The following PIP4K2A variants were observed in gnomAD, a reference collection of about 807,000 sequenced individuals.
PIP4K2A encodes the protein phosphatidylinositol-5-phosphate 4-kinase type 2 alpha, also known as phosphatidylinositol 5-phosphate 4-kinase type-2 alpha.
Under a neutral mutation model 42.9 loss-of-function variants are expected in PIP4K2A, and 14 were observed. That is an observed-to-expected ratio of 0.33 (90% CI 0.22 to 0.51). The LOEUF (loss-of-function observed/expected upper bound fraction) is 0.51. PIP4K2A is among the 20% of genes least tolerant of loss of function. PIP4K2A has a pLI of 0.97. For missense variants in PIP4K2A, 434 were observed against 519.8 expected (o/e 0.83, Z 1.61); for synonymous variants, 192 against 192.2 (o/e 1.00, Z 0.01).
At chr10:22,617,036 T>C (rs1468636115) in intron 1 of PIP4K2A, among the ~76,000 whole-genome samples, 1 of 152,268 alleles carries the variant, frequency 6.6e-6, no homozygotes, top group Non-Finnish European at 1.5e-5. Flanking sequence ...AACATTTATG[T>C]GGGCCTTTCC....
chr10:22,625,273 A>G (rs995791601), intron 1 of PIP4K2A, among the ~76,000 whole-genome samples: 8 of 152,244 alleles, frequency 5.3e-5, no homozygotes, highest in Admixed American at 2.0e-4. Context: ...ACATTTTCAG[A>G]AAATTCAAAA....
intron 6 of PIP4K2A, among the ~76,000 whole-genome samples, chr10:22,560,207 A>T (rs1836652787): frequency 6.6e-6 from 1 of 152,188 alleles, no homozygotes; most frequent in Non-Finnish European, 1.5e-5. Context: ...TTGAGGGCCT[A>T]AAAAGCTTGA....
intron 1 of PIP4K2A, among the ~76,000 whole-genome samples, chr10:22,636,907 G>T (rs1004715088): frequency 2.0e-5 from 3 of 152,186 alleles, no homozygotes; most frequent in African/African-American, 7.2e-5. Flanking sequence ...CTGGAAGGTG[G>T]TTACAACAGC....
intron 7 of PIP4K2A, 107 bp downstream of exon 7, chr10:22,550,552 G>A (rs1227453615): frequency 2.7e-6 from 2 of 743,542 alleles, no homozygotes; most frequent in Non-Finnish European, 2.4e-6. Flanking sequence ...GAGTATGCAG[G>A]TTTTTGCCTT....
chr10:22,598,033 T>C (rs554130723), intron 3 of PIP4K2A, among the ~76,000 whole-genome samples: 2 of 152,348 alleles, frequency 1.3e-5, no homozygotes, highest in East Asian at 3.9e-4. Flanking sequence ...TGGAGAGTTA[T>C]ATGGTCTGCA....
At chr10:22,698,069 G>A (rs901050263) in intron 1 of PIP4K2A, among the ~76,000 whole-genome samples, 15 of 152,196 alleles carry the variant, frequency 9.9e-5, no homozygotes, top group African/African-American at 2.4e-4. Flanking sequence ...AGAGTCCGAC[G>A]AAGAAAAACT....
intron 4 of PIP4K2A, among the ~76,000 whole-genome samples, chr10:22,582,724 G>A (rs1837306884): frequency 6.6e-6 from 1 of 151,950 alleles, no homozygotes. Context: ...GAAAAGGAAG[G>A]GAAAGGAAGG....
intron 1 of PIP4K2A, among the ~76,000 whole-genome samples, chr10:22,653,592 C>T (rs1342558521): frequency 6.6e-6 from 1 of 152,180 alleles, no homozygotes; most frequent in Non-Finnish European, 1.5e-5. Context: ...TCCAAAATTG[C>T]TCAGTCCATC....
chr10:22,633,036 A>G (rs141388062), intron 1 of PIP4K2A, among the ~76,000 whole-genome samples: 291 of 152,318 alleles, frequency 1.9e-3, no homozygotes, highest in Non-Finnish European at 3.2e-3. Flanking sequence ...AACCACCCCA[A>G]TAGCCTCCCA....
At chr10:22,579,488 G>A (rs954795004) in intron 4 of PIP4K2A, among the ~76,000 whole-genome samples, 1 of 152,200 alleles carries the variant, frequency 6.6e-6, no homozygotes, top group South Asian at 2.1e-4. Flanking sequence ...ATTAGAGGAC[G>A]TCTGCCTCCT....
chr10:22,649,168 G>T (rs888937600), intron 1 of PIP4K2A, among the ~76,000 whole-genome samples: 1 of 152,120 alleles, frequency 6.6e-6, no homozygotes, highest in African/African-American at 2.4e-5. Context: ...TCTCTAGAAG[G>T]CTTCGCCAGA....
chr10:22,565,686 C>A (rs1310284496), intron 6 of PIP4K2A, among the ~76,000 whole-genome samples: 9 of 152,182 alleles, frequency 5.9e-5, no homozygotes, highest in Non-Finnish European at 1.3e-4. Flanking sequence ...GAGAGATAAC[C>A]TTAAACTCTG....
intron 1 of PIP4K2A, among the ~76,000 whole-genome samples, chr10:22,645,418 G>A (rs1391234406): frequency 6.6e-6 from 1 of 151,948 alleles, no homozygotes; most frequent in African/African-American, 2.4e-5. Flanking sequence ...ATGGTGGCAG[G>A]ACCTGTAGTC....
intron 1 of PIP4K2A, among the ~76,000 whole-genome samples, chr10:22,703,601 T>C (rs1833756916): frequency 6.6e-6 from 1 of 152,124 alleles, no homozygotes; most frequent in Admixed American, 6.5e-5. Context: ...GCCAGTAAGA[T>C]CCTGCAGGTC....
At chr10:22,642,604 G>A (rs1477554503) in intron 1 of PIP4K2A, among the ~76,000 whole-genome samples, 3 of 20,356 alleles carry the variant, frequency 1.5e-4, no homozygotes, top group South Asian at 1.7e-3. Context: ...ACAGATCAGT[G>A]TGTGTGTCTC....
At chr10:22,653,635 C>T (rs1029249759) in intron 1 of PIP4K2A, among the ~76,000 whole-genome samples, 1 of 152,084 alleles carries the variant, frequency 6.6e-6, no homozygotes, top group African/African-American at 2.4e-5. Flanking sequence ...GATTTGGGAT[C>T]GGGCATGGTG....
intron 6 of PIP4K2A, among the ~76,000 whole-genome samples, chr10:22,551,647 C>T (rs79556397): frequency 0.013 from 1,979 of 152,316 alleles, 44 homozygotes; most frequent in African/African-American, 0.045. Flanking sequence ...TAATCTCCCA[C>T]CCCTTTCGGC....
At chr10:22,632,735 G>A (rs951867430) in intron 1 of PIP4K2A, among the ~76,000 whole-genome samples, 1 of 152,024 alleles carries the variant, frequency 6.6e-6, no homozygotes. Flanking sequence ...AGAATCTCTA[G>A]AGCTTATTTT....
At chr10:22,651,078 G>A (rs1421654688) in intron 1 of PIP4K2A, among the ~76,000 whole-genome samples, 1 of 152,118 alleles carries the variant, frequency 6.6e-6, no homozygotes, top group Non-Finnish European at 1.5e-5. Flanking sequence ...CATTTAGAGG[G>A]CTAAAAAGGC....
Sources: allele counts gnomAD v4.1 joint callset (sites outside exome capture counted in the v4.1 genomes callset), GRCh38; gene constraint gnomAD v4.1.1; transcripts MANE v1.5; gene names NCBI Gene and HGNC (gene_info 2026-07-23, HGNC 2026-07-21).